The following MAPKAP1 variants were observed in gnomAD, a reference collection of about 807,000 sequenced individuals.
The protein encoded by MAPKAP1 is target of rapamycin complex 2 subunit MAPKAP1.
Under a neutral mutation model 65.7 loss-of-function variants are expected in MAPKAP1, and 20 were observed. The observed-to-expected ratio is 0.30, with a 90% CI of 0.21 to 0.44. The LOEUF (loss-of-function observed/expected upper bound fraction) is 0.44, where lower values mean the gene tolerates loss of function less well. Ranked by LOEUF, MAPKAP1 falls within the 20% of genes least tolerant of loss-of-function variation. The pLI is 1.00. For synonymous variants in MAPKAP1, 222 were observed against 244.3 expected (o/e 0.91, Z 0.85); for missense variants, 423 against 648.0 (o/e 0.65, Z 3.77).
At position 125,596,233 on chromosome 9, in the gene MAPKAP1, C is replaced by A. The variant is rs1832121065; in HGVS notation, c.499-10506G>T. 6.5e-6 allele frequency: 5 copies of A among 765,176 alleles called. No individual in the cohort carries two copies. In the East Asian group the frequency reaches 9.7e-5, roughly 15 times the overall value. 47.4% of individuals were successfully genotyped at this position (765,176 alleles called of 1,614,324 possible). A position where few individuals can be genotyped will look rare whatever the true frequency, so the allele number is the denominator to read the frequency against. ...TCAAAGCAAGAGATGGCTAATACTT[C>A]ATCCAGCGAAAGAGGTCGAAGTGGT... On this transcript the variant is annotated intron_variant, in intron 4 of 11. Transcript: ENST00000265960.
At chr9:125,692,809 T>C (rs536960152) in intron 1 of MAPKAP1, among the ~76,000 whole-genome samples, 36 of 152,322 alleles carry the variant, frequency 2.4e-4, no homozygotes, top group African/African-American at 8.4e-4. Flanking sequence ...TAAAAATTTT[T>C]AAACAATCTG....
chr9:125,606,793 C>T (rs966593900), intron 4 of MAPKAP1, among the ~76,000 whole-genome samples: 16 of 152,154 alleles, frequency 1.1e-4, no homozygotes, highest in Non-Finnish European at 2.2e-4. Flanking sequence ...TTATGTTCAC[C>T]CTACTGAAGA....
chr9:125,602,118 C>T (rs565012456), intron 4 of MAPKAP1, among the ~76,000 whole-genome samples: 7 of 152,150 alleles, frequency 4.6e-5, no homozygotes, highest in South Asian at 2.1e-4. Context: ...ACAGGTGTGA[C>T]GGTGTGAGCC....
At chr9:125,502,265 C>A (rs569096308) in intron 8 of MAPKAP1, among the ~76,000 whole-genome samples, 60 of 152,120 alleles carry the variant, frequency 3.9e-4, no homozygotes, top group African/African-American at 1.4e-3. Context: ...CCATGCCTGG[C>A]TAATTTTTAA....
chr9:125,554,036 CAA>C (rs36095140), intron 6 of MAPKAP1, among the ~76,000 whole-genome samples: 1 of 151,000 alleles, frequency 6.6e-6, no homozygotes, highest in African/African-American at 2.4e-5. Flanking sequence ...TACCCTATCT[CAA>C]AAAAAAAGTT....
At chr9:125,501,780 T>C (rs1828988887) in intron 8 of MAPKAP1, among the ~76,000 whole-genome samples, 1 of 152,122 alleles carries the variant, frequency 6.6e-6, no homozygotes, top group Non-Finnish European at 1.5e-5. Flanking sequence ...TTTAATATTT[T>C]TGGTATAATT....
chr9:125,575,797 T>C (rs765536812), intron 5 of MAPKAP1, among the ~76,000 whole-genome samples: 1 of 152,192 alleles, frequency 6.6e-6, no homozygotes, highest in African/African-American at 2.4e-5. Context: ...TTTGGCAGTG[T>C]CTTATATCAT....
At chr9:125,450,313 G>A (rs1415813113) in intron 10 of MAPKAP1, among the ~76,000 whole-genome samples, 1 of 152,126 alleles carries the variant, frequency 6.6e-6, no homozygotes, top group Non-Finnish European at 1.5e-5. Context: ...AAATTTAGAA[G>A]ACAGAGGAGA....
At chr9:125,659,215 G>A (rs1834118265) in intron 3 of MAPKAP1, among the ~76,000 whole-genome samples, 1 of 152,098 alleles carries the variant, frequency 6.6e-6, no homozygotes, top group African/African-American at 2.4e-5. Context: ...TATGAGCCAG[G>A]ATCAATACTA....
At chr9:125,442,940 A>G (rs1463539380) in intron 11 of MAPKAP1, among the ~76,000 whole-genome samples, 5 of 152,366 alleles carry the variant, frequency 3.3e-5, no homozygotes, top group African/African-American at 4.8e-5. Flanking sequence ...CTGGGGAATT[A>G]AAACACAAGT....
At chr9:125,441,350 T>C (rs1403331494) in intron 11 of MAPKAP1, among the ~76,000 whole-genome samples, 1 of 152,184 alleles carries the variant, frequency 6.6e-6, no homozygotes, top group Non-Finnish European at 1.5e-5. Flanking sequence ...CAGGTTCAAG[T>C]AGAGGCTCCA....
At chr9:125,598,975 G>A (rs1438923012) in intron 4 of MAPKAP1, among the ~76,000 whole-genome samples, 2 of 151,214 alleles carry the variant, frequency 1.3e-5, no homozygotes, top group African/African-American at 4.9e-5. Context: ...AGGAGGCGGA[G>A]GTTACAGTGA....
intron 5 of MAPKAP1, among the ~76,000 whole-genome samples, chr9:125,579,209 A>C (rs572127814): frequency 6.6e-6 from 1 of 152,352 alleles, no homozygotes; most frequent in East Asian, 1.9e-4. Context: ...GGAGGCCAAG[A>C]ATTCCTGCCA....
intron 4 of MAPKAP1, among the ~76,000 whole-genome samples, chr9:125,618,892 G>A (rs1294462477): frequency 6.6e-6 from 1 of 152,144 alleles, no homozygotes; most frequent in Non-Finnish European, 1.5e-5. Context: ...AGCACTTCAG[G>A]AGGCCAAGGC....
chr9:125,666,575 C>T (rs570685306), intron 3 of MAPKAP1, among the ~76,000 whole-genome samples: 20 of 152,286 alleles, frequency 1.3e-4, no homozygotes, highest in Non-Finnish European at 2.8e-4. Flanking sequence ...GGTTGACACA[C>T]TTGAATCCAG....
intron 4 of MAPKAP1, among the ~76,000 whole-genome samples, chr9:125,651,450 CA>C (rs1833890733): frequency 6.6e-6 from 1 of 151,694 alleles, no homozygotes; most frequent in African/African-American, 2.4e-5. Context: ...ATTAAAAATT[CA>C]AAAATTAGCC....
intron 11 of MAPKAP1, among the ~76,000 whole-genome samples, chr9:125,442,128 CAAAAAAAAAA>C (rs71492449): frequency 2.6e-5 from 1 of 38,760 alleles, no homozygotes; most frequent in African/African-American, 9.5e-5. Flanking sequence ...GACTCTGTCT[CAAAAAAAAAA>C]AAAAAAAAAA....
chr9:125,500,852 T>A (rs1828956327), intron 8 of MAPKAP1, among the ~76,000 whole-genome samples: 1 of 152,144 alleles, frequency 6.6e-6, no homozygotes, highest in Admixed American at 6.6e-5. Flanking sequence ...AGTTCCTACC[T>A]ATGAATTAGT....
chr9:125,585,019 T>C (rs1831738295), intron 5 of MAPKAP1, among the ~76,000 whole-genome samples: 1 of 152,198 alleles, frequency 6.6e-6, no homozygotes, highest in Non-Finnish European at 1.5e-5. Flanking sequence ...AAAGGTTCTA[T>C]AGAAGGCAGA....
Sources: gnomAD v4.1 joint callset for allele counts (sites outside exome capture counted in the v4.1 genomes callset) on GRCh38, gnomAD v4.1.1 for gene constraint, MANE v1.5 for transcripts, NCBI Gene and HGNC (gene_info 2026-07-23, HGNC 2026-07-21) for gene names.